Variants in SUCO observed in about 807,000 individuals in gnomAD.
SUCO encodes the protein SUN domain-containing ossification factor.
SUCO carries 57 observed loss-of-function variants against 148.1 expected under a neutral mutation model. That is an observed-to-expected ratio of 0.38 (90% confidence interval 0.31 to 0.48). The LOEUF (loss-of-function observed/expected upper bound fraction) is 0.48. SUCO is among the 20% of genes least tolerant of loss of function. The probability of loss-of-function intolerance (pLI) is 0.96; values close to 1 mark genes in which losing one functional copy is unlikely to be tolerated. For missense variants in SUCO, 1,331 were observed against 1,468.2 expected, an observed-to-expected ratio of 0.91 and a Z score of 1.53; for synonymous variants, 470 against 502.7, an observed-to-expected ratio of 0.93 and a Z score of 0.87.
chr1:172,602,030 C>T (rs758908628), intron 20 of SUCO, 34 bp from the exon 21 acceptor site: 1 of 1,546,874 alleles, frequency 6.5e-7, no homozygotes, highest in Non-Finnish European at 8.7e-7. Context: ...ATATGATTTC[C>T]TATGATTATT....
intron 6 of SUCO, among the ~76,000 whole-genome samples, chr1:172,561,385 T>A (rs1347939950): frequency 6.6e-6 from 1 of 152,126 alleles, no homozygotes; most frequent in Non-Finnish European, 1.5e-5. Context: ...TTTGTGAGAT[T>A]TTTTGGATAA....
At chr1:172,562,326 CA>C (rs201208232) in intron 6 of SUCO, among the ~76,000 whole-genome samples, 13 of 134,940 alleles carry the variant, frequency 9.6e-5, no homozygotes, top group African/African-American at 3.6e-4. Context: ...TGGGTTTTAA[CA>C]TTTTTTTTTT....
At chr1:172,580,879 A>C (rs927457889) in intron 15 of SUCO, among the ~76,000 whole-genome samples, 15 of 152,140 alleles carry the variant, frequency 9.9e-5, no homozygotes, top group African/African-American at 1.7e-4. Context: ...AGATAGGCGG[A>C]TGACCTGAGG....
In SUCO at chr1:172,611,532, G is replaced by T. The variant is rs186496512; in HGVS notation, c.*1273G>T. On this transcript the variant is annotated 3_prime_UTR_variant, in exon 24 of 24. Coordinates refer to ENST00000263688, the MANE Select transcript of SUCO (RefSeq NM_014283.5). Reference sequence around the variant, plus strand: ...TAAACTTGCCTAATACCTTTCTTGGGTATTGTTTGTAATGTGACTTATTTA... The same window carrying T: ...TAAACTTGCCTAATACCTTTCTTGGTTATTGTTTGTAATGTGACTTATTTA... The T allele has an allele frequency of 1.3e-5, 2 of 152,552 alleles. No individual in the cohort carries two copies. The highest frequency in any genetic ancestry group is 2.9e-5 in the Non-Finnish European group (2 of 68,012). 9.4% of individuals were successfully genotyped at this position (152,552 alleles called of 1,614,324 possible). A position where few individuals can be genotyped will look rare whatever the true frequency, so the allele number is the denominator to read the frequency against.
Position 172,565,911 on chromosome 1 carries a change from T to G in SUCO, c.733-3108T>G, listed in dbSNP as rs139643468. 2.9e-3 allele frequency among the ~76,000 whole-genome samples: 443 copies of G among 152,262 alleles called. 1 individual carries two copies. The highest frequency in any genetic ancestry group is 4.7e-3 in the Non-Finnish European group (322 of 68,012). On this transcript the variant is annotated intron_variant, in intron 6 of 23. Coordinates refer to ENST00000263688, the MANE Select transcript of SUCO (RefSeq NM_014283.5). ...GGCTTTTGTTCCCTAGCTTACCTGA[T>G]AATTATGGGGGGTGGTAGAGGGGAC...
Position 172,552,603 on chromosome 1 carries a change from T to A in SUCO, c.178-657T>A, listed in dbSNP as rs144768119. The A allele has an allele frequency of 6.1e-3, 5,957 of 979,376 alleles. 19 individuals carry two copies. The highest frequency in any genetic ancestry group is 8.9e-3 in the Middle Eastern group (17 of 1,906). 60.7% of individuals were successfully genotyped at this position (979,376 alleles called of 1,614,324 possible). A position where few individuals can be genotyped will look rare whatever the true frequency, so the allele number is the denominator to read the frequency against. On this transcript the variant is annotated intron_variant, in intron 2 of 23. Coordinates refer to ENST00000263688, the MANE Select transcript of SUCO (RefSeq NM_014283.5). ...ATTTAAATTTAAGTTATGTTGGATA[T>A]ATTTCTGGGATGGAGCATTTAAAAT...
At chr1:172,565,215 T>TGGAGACACTGAGAAAATAG (rs1256424606) in intron 6 of SUCO, among the ~76,000 whole-genome samples, 15 of 152,172 alleles carry the variant, frequency 9.9e-5, no homozygotes, top group Non-Finnish European at 1.9e-4. Flanking sequence ...TACCTGGTAG[T>TGGAGACACTGAGAAAATAG]GGAGACACTG....
intron 1 of SUCO, among the ~76,000 whole-genome samples, chr1:172,536,853 C>T (rs1652059988): frequency 1.3e-5 from 2 of 151,986 alleles, no homozygotes; most frequent in African/African-American, 4.8e-5. Flanking sequence ...TTTTTTCAGT[C>T]CTTATGTCTA....
chr1:172,600,703 TG>T (rs1323371780), intron 20 of SUCO, among the ~76,000 whole-genome samples: 1 of 28,122 alleles, frequency 3.6e-5, no homozygotes, highest in African/African-American at 1.7e-4. Flanking sequence ...TAAATGTGTG[TG>T]TGTGTGTGTG....
intron 6 of SUCO, among the ~76,000 whole-genome samples, chr1:172,568,658 A>G (rs1323395041): frequency 6.6e-6 from 1 of 152,144 alleles, no homozygotes; most frequent in African/African-American, 2.4e-5. Context: ...CCTTTAATGG[A>G]TGTATTAACT....
intron 19 of SUCO, 103 bp downstream of exon 19, chr1:172,591,174 T>C (rs1656631734): frequency 1.3e-6 from 1 of 798,742 alleles, no homozygotes. Context: ...TTTTTCCCCC[T>C]GCTAGCTGGT....
rs184786345 is a variant in SUCO, at chr1:172,548,424, C to G, written c.63-3088C>G. ...TTTTTTGTTCTCTATTTTAGCAATGCCTATCCATATATCCTTCCTTGTTTC... is the reference window on the plus strand; with the variant it reads ...TTTTTTGTTCTCTATTTTAGCAATGGCTATCCATATATCCTTCCTTGTTTC... On this transcript the variant is annotated intron_variant, in intron 1 of 23. Transcript: ENST00000263688. 1.2e-3 allele frequency among the ~76,000 whole-genome samples: 178 copies of G among 151,946 alleles called. 1 individual carries two copies. Among genetic ancestry groups the G allele is most frequent in the Non-Finnish European group, 8.1e-4 (55 of 67,834 alleles).
chr1:172,569,193 G>A, intron 7 of SUCO, 51 bp downstream of exon 7: 3 of 1,336,636 alleles, frequency 2.2e-6, no homozygotes, highest in South Asian at 1.6e-5. Flanking sequence ...ATATGGTGTA[G>A]TTTAATATGC....
chr1:172,551,427 T>C, intron 1 of SUCO, 85 bp from the exon 2 acceptor site: 1 of 742,882 alleles, frequency 1.3e-6, no homozygotes, highest in East Asian at 2.8e-5. Flanking sequence ...TTCTAGCCCA[T>C]ATAGAAATAT....
chr1:172,558,297 C>T (rs915911309), intron 6 of SUCO, among the ~76,000 whole-genome samples: 3 of 152,158 alleles, frequency 2.0e-5, no homozygotes, highest in African/African-American at 7.2e-5. Flanking sequence ...CAGGGCTTAT[C>T]ACAGTGGAAC....
Position 172,570,042 on chromosome 1 carries a change from T to A in SUCO, c.857-5T>A. On this transcript the variant is annotated splice_region_variant and splice_polypyrimidine_tract_variant and intron_variant, in intron 7 of 23. Transcript: ENST00000263688. ...TAAATATTTATAATAACGGTTTGTC[T>A]GCAGGTCAGTCGATGCATGCATCTT... The A allele has an allele frequency of 2.0e-6, 3 of 1,475,570 alleles. No homozygotes were observed. Among genetic ancestry groups the A allele is most frequent in the Non-Finnish European group, 2.7e-6 (3 of 1,106,402 alleles). The allele number at this position is 1,475,570 out of a possible 1,614,324, so 91.4% of individuals were successfully genotyped here.
rs369972222 is a variant in SUCO, at chr1:172,589,633, T to C, written c.2532T>C (p.Asn844=). 233 of 1,613,928 alleles carry C rather than the reference T, an allele frequency of 1.4e-4. No homozygotes were observed. The highest frequency in any genetic ancestry group is 1.8e-4 in the Non-Finnish European group (213 of 1,179,910). The change falls in exon 18 of 24, where the codon AAT becomes AAC. Residue 844 remains asparagine, a synonymous_variant. Coordinates refer to ENST00000263688, the MANE Select transcript of SUCO (RefSeq NM_014283.5). ...PDNEDGEAKM[N]IADTAKQTLI... ...ATGAAGATGGGGAAGCCAAAATGAA[T>C]ATAGCTGACACAGCAAAGCAAACTT...
intron 15 of SUCO, among the ~76,000 whole-genome samples, chr1:172,580,937 A>G (rs779958820): frequency 7.6e-6 from 1 of 131,734 alleles, no homozygotes; most frequent in Non-Finnish European, 1.6e-5. Context: ...CCCCATCTCT[A>G]CTAAAAATAC....
chr1:172,599,616 A>G (rs1373437811), intron 19 of SUCO: 4 of 168,238 alleles, frequency 2.4e-5, no homozygotes, highest in African/African-American at 9.6e-5. Context: ...GCTATGAAGG[A>G]AATTTTTAAA....
Sources: gnomAD v4.1 joint callset for allele counts (sites outside exome capture counted in the v4.1 genomes callset) on GRCh38, gnomAD v4.1.1 for gene constraint, MANE v1.5 for transcripts, NCBI Gene and HGNC (gene_info 2026-07-23, HGNC 2026-07-21) for gene names.